PAM: variants seen among roughly 807,000 people sequenced by gnomAD.
The protein encoded by PAM is peptidyl-glycine alpha-amidating monooxygenase.
PAM carries 72 observed loss-of-function variants against 122.1 expected under a neutral mutation model. The observed-to-expected ratio is 0.59, with a 90% confidence interval of 0.49 to 0.72. PAM has a LOEUF of 0.72. Among genes scored for constraint, PAM ranks in the 30% least tolerant of loss-of-function variants. The pLI, the probability that PAM is intolerant of heterozygous loss-of-function variation, is 0.00. For synonymous variants in PAM, 389 were observed against 404.4 expected (o/e 0.96, Z 0.46); for missense variants, 1,106 against 1,183.7 (o/e 0.93, Z 0.96).
intron 15 of PAM, 57 bp downstream of exon 15, chr5:102,974,493 C>A: frequency 2.7e-6 from 3 of 1,130,528 alleles, no homozygotes; most frequent in South Asian, 3.0e-5. Context: ...TCCACGTTAG[C>A]AAAACCTGAA....
chr5:102,950,420 T>G (rs572803852), intron 11 of PAM, among the ~76,000 whole-genome samples: 50 of 148,398 alleles, frequency 3.4e-4, no homozygotes, highest in Middle Eastern at 3.4e-3. Flanking sequence ...TGGGTGGGTG[T>G]GTGTGTGTGT....
intron 12 of PAM, among the ~76,000 whole-genome samples, chr5:102,951,135 A>T (rs1435795523): frequency 2.0e-5 from 3 of 151,740 alleles, no homozygotes; most frequent in Non-Finnish European, 4.4e-5. Context: ...GATAATGAAA[A>T]TTTTTTTTCT....
chr5:102,811,574 G>A (rs1026370566), intron 1 of PAM, among the ~76,000 whole-genome samples: 2 of 152,026 alleles, frequency 1.3e-5, no homozygotes, highest in African/African-American at 2.4e-5. Flanking sequence ...AGTCCTTTCG[G>A]CCATGTAAGT....
intron 3 of PAM, among the ~76,000 whole-genome samples, chr5:102,900,773 T>C (rs1797599682): frequency 6.6e-6 from 1 of 151,572 alleles, no homozygotes; most frequent in Non-Finnish European, 1.5e-5. Flanking sequence ...TGTTAATATA[T>C]TTGATAGTGA....
intron 17 of PAM, among the ~76,000 whole-genome samples, 167 bp from the exon 18 acceptor site, chr5:103,004,984 CATT>C (rs1778527323): frequency 6.6e-6 from 1 of 152,128 alleles, no homozygotes; most frequent in African/African-American, 2.4e-5. Flanking sequence ...AAGGAGATCT[CATT>C]ATAACAGTTT....
chr5:102,996,088 T>TTG (rs973482935), intron 16 of PAM, among the ~76,000 whole-genome samples: 2 of 152,138 alleles, frequency 1.3e-5, no homozygotes, highest in Non-Finnish European at 2.9e-5. Flanking sequence ...TCTAGCTCTT[T>TTG]TGTGTGTGTG....
chr5:102,916,761 C>T (rs903508815), intron 5 of PAM, among the ~76,000 whole-genome samples: 1 of 145,290 alleles, frequency 6.9e-6, no homozygotes, highest in Non-Finnish European at 1.5e-5. Flanking sequence ...TTGACTGAGT[C>T]TCACTCAGTC....
At chr5:102,805,067 T>C (rs1404557735) in intron 1 of PAM, among the ~76,000 whole-genome samples, 2 of 20,718 alleles carry the variant, frequency 9.7e-5, no homozygotes, top group East Asian at 2.4e-3. Context: ...AATTTTCCTT[T>C]TTTTTTTTTT....
intron 1 of PAM, among the ~76,000 whole-genome samples, chr5:102,835,384 G>T (rs1011270691): frequency 1.3e-5 from 2 of 152,126 alleles, no homozygotes; most frequent in African/African-American, 4.8e-5. Flanking sequence ...CTCATTAAGA[G>T]TATATCTGAC....
At chr5:103,002,721 A>G (rs1490306643) in intron 16 of PAM, among the ~76,000 whole-genome samples, 7 of 152,196 alleles carry the variant, frequency 4.6e-5, no homozygotes, top group Non-Finnish European at 8.8e-5. Flanking sequence ...GTTCTTGATC[A>G]ATGTTTCTCA....
chr5:102,939,608 A>G (rs1389210090), intron 7 of PAM, among the ~76,000 whole-genome samples: 1 of 152,132 alleles, frequency 6.6e-6, no homozygotes, highest in African/African-American at 2.4e-5. Context: ...TTTATATACT[A>G]CTTTTCAATT....
At chr5:102,905,898 A>G (rs560956856) in intron 4 of PAM, among the ~76,000 whole-genome samples, 1 of 151,792 alleles carries the variant, frequency 6.6e-6, no homozygotes, top group Non-Finnish European at 1.5e-5. Context: ...GAAAACACTT[A>G]GTTTCTTAGT....
chr5:102,935,237 A>G (rs1403784140), intron 7 of PAM, among the ~76,000 whole-genome samples: 1 of 152,018 alleles, frequency 6.6e-6, no homozygotes, highest in Non-Finnish European at 1.5e-5. Flanking sequence ...AAGATAAACT[A>G]ATGTATCAGA....
chr5:102,915,430 C>T (rs987399603), intron 5 of PAM, among the ~76,000 whole-genome samples: 5 of 152,124 alleles, frequency 3.3e-5, no homozygotes, highest in African/African-American at 1.2e-4. Context: ...GAACATATCA[C>T]ATAGGAACCC....
intron 22 of PAM, among the ~76,000 whole-genome samples, chr5:103,018,647 T>C (rs1303385058): frequency 6.6e-6 from 1 of 152,166 alleles, no homozygotes; most frequent in African/African-American, 2.4e-5. Flanking sequence ...ACTGCATGAC[T>C]AAAGTGTGGA....
chr5:102,927,481 A>G (rs552368201), intron 7 of PAM, among the ~76,000 whole-genome samples: 2 of 152,282 alleles, frequency 1.3e-5, no homozygotes, highest in African/African-American at 4.8e-5. Context: ...ATTTGACAGT[A>G]TATTTCTAAG....
In PAM at chr5:102,823,804, C is replaced by T. The variant is rs953330512; in HGVS notation, c.-373-42019C>T. Among the ~76,000 whole-genome samples, 63 of 152,128 alleles carry T rather than the reference C, an allele frequency of 4.1e-4. 1 individual carries two copies. The highest frequency in any genetic ancestry group is 4.1e-3 in the Admixed American group (63 of 15,280). On this transcript the variant is annotated intron_variant, in intron 1 of 25. Coordinates refer to ENST00000438793, the MANE Select transcript of PAM (RefSeq NM_001177306.2). ...GCTCATAAGTGAACTTTTAATAGTCCTGTTCTCATGTTCACTTCATAGAGC... is the reference window on the plus strand; with the variant it reads ...GCTCATAAGTGAACTTTTAATAGTCTTGTTCTCATGTTCACTTCATAGAGC...
intron 5 of PAM, among the ~76,000 whole-genome samples, chr5:102,918,539 C>G (rs192222091): frequency 2.6e-5 from 4 of 151,808 alleles, no homozygotes; most frequent in Admixed American, 6.6e-5. Context: ...TTTAAATTTA[C>G]TTAAATAGTA....
intron 1 of PAM, among the ~76,000 whole-genome samples, chr5:102,805,962 T>G (rs1766118741): frequency 6.6e-6 from 1 of 152,186 alleles, no homozygotes; most frequent in Non-Finnish European, 1.5e-5. Flanking sequence ...CTGCTGGTGG[T>G]CTTCCATATT....
Sources: allele counts gnomAD v4.1 joint callset (sites outside exome capture counted in the v4.1 genomes callset), GRCh38; gene constraint gnomAD v4.1.1; transcripts MANE v1.5; gene names NCBI Gene and HGNC (gene_info 2026-07-23, HGNC 2026-07-21).